The following BRINP1 variants were observed in gnomAD, a reference collection of about 807,000 sequenced individuals.
The protein encoded by BRINP1 is BMP/retinoic acid-inducible neural-specific protein 1.
BRINP1 carries 17 observed loss-of-function variants against 72.9 expected under a neutral mutation model. The ratio of observed to expected loss-of-function variants is 0.23; its 90% CI spans 0.16 to 0.35. BRINP1 has a LOEUF of 0.35. Ranked by LOEUF, BRINP1 falls within the 10% of genes least tolerant of loss-of-function variation. The pLI, the probability that BRINP1 is intolerant of heterozygous loss-of-function variation, is 1.00. For synonymous variants in BRINP1, 418 were observed against 378.5 expected, an observed-to-expected ratio of 1.10 and a Z score of -1.21; for missense variants, 850 against 1,001.6, an observed-to-expected ratio of 0.85 and a Z score of 2.04.
intron 2 of BRINP1, among the ~76,000 whole-genome samples, chr9:119,251,595 A>C (rs1830388055): frequency 6.6e-6 from 1 of 150,672 alleles, no homozygotes; most frequent in East Asian, 1.9e-4. Flanking sequence ...AAAGAGAAAC[A>C]AATAAACACA....
At chr9:119,182,605 C>T (rs1829570045) in intron 7 of BRINP1, among the ~76,000 whole-genome samples, 2 of 152,330 alleles carry the variant, frequency 1.3e-5, no homozygotes, top group South Asian at 4.1e-4. Context: ...AGAGAGACTC[C>T]TTGCCTCTTC....
chr9:119,249,182 C>T, intron 2 of BRINP1, 32 bp from the exon 3 acceptor site: 1 of 1,597,014 alleles, frequency 6.3e-7, no homozygotes, highest in Non-Finnish European at 8.5e-7. Flanking sequence ...CACTTCTCAA[C>T]TTACCACCAT....
At chr9:119,193,901 G>A (rs1829706940) in intron 7 of BRINP1, among the ~76,000 whole-genome samples, 1 of 152,166 alleles carries the variant, frequency 6.6e-6, no homozygotes, top group Non-Finnish European at 1.5e-5. Context: ...GTTTATAGGT[G>A]TGGGCCTGAA....
intron 7 of BRINP1, among the ~76,000 whole-genome samples, chr9:119,205,378 TCTC>T (rs1482554481): frequency 1.3e-5 from 2 of 152,150 alleles, no homozygotes; most frequent in Admixed American, 1.3e-4. Flanking sequence ...GGGCAGGTTT[TCTC>T]CTCCTTAGTA....
chr9:119,176,847 G>C (rs1829495506), intron 7 of BRINP1, among the ~76,000 whole-genome samples: 1 of 152,156 alleles, frequency 6.6e-6, no homozygotes, highest in Non-Finnish European at 1.5e-5. Context: ...TTCCCAGCAT[G>C]CTTTGCTTTC....
intron 7 of BRINP1, among the ~76,000 whole-genome samples, chr9:119,207,069 A>G (rs1055700175): frequency 6.6e-5 from 10 of 152,326 alleles, no homozygotes; most frequent in Non-Finnish European, 1.5e-4. Context: ...GAGGTTTCAT[A>G]AGGGGGGAAA....
intron 2 of BRINP1, among the ~76,000 whole-genome samples, chr9:119,303,816 T>C (rs1255684486): frequency 6.6e-6 from 1 of 152,138 alleles, no homozygotes; most frequent in African/African-American, 2.4e-5. Flanking sequence ...ACTTCAGGTA[T>C]TTGTTTTAGC....
intron 5 of BRINP1, among the ~76,000 whole-genome samples, chr9:119,218,644 T>C (rs1830006036): frequency 6.6e-6 from 1 of 151,958 alleles, no homozygotes; most frequent in South Asian, 2.1e-4. Flanking sequence ...GAATTCAACT[T>C]GAGTTCTGAC....
At chr9:119,196,047 C>A (rs1031164149) in intron 7 of BRINP1, among the ~76,000 whole-genome samples, 1 of 152,054 alleles carries the variant, frequency 6.6e-6, no homozygotes, top group Admixed American at 6.6e-5. Context: ...AAACAGATAC[C>A]ACTTCCTTAT....
intron 1 of BRINP1, among the ~76,000 whole-genome samples, chr9:119,346,701 C>A (rs1474739591): frequency 6.6e-6 from 1 of 152,122 alleles, no homozygotes; most frequent in African/African-American, 2.4e-5. Flanking sequence ...CAGTGACATT[C>A]ACAAAATTAA....
At chr9:119,253,281 GA>G in intron 2 of BRINP1, among the ~76,000 whole-genome samples, 1 of 152,216 alleles carries the variant, frequency 6.6e-6, no homozygotes, top group East Asian at 1.9e-4. Flanking sequence ...CAAAAGAATG[GA>G]AATACATATT....
chr9:119,174,118 G>T (rs935318921), intron 7 of BRINP1, among the ~76,000 whole-genome samples: 1 of 147,800 alleles, frequency 6.8e-6, no homozygotes, highest in African/African-American at 2.6e-5. Flanking sequence ...TGACAAATGG[G>T]ATCTAATTAA....
Position 119,230,081 on chromosome 9 carries a change from T to C in BRINP1, c.685+8574A>G, listed in dbSNP as rs62567662. On this transcript the variant is annotated intron_variant, in intron 5 of 7. Coordinates refer to ENST00000265922, the MANE Select transcript of BRINP1 (RefSeq NM_014618.3). ...TTTAGAGAAGCTTACCTGAGAGAGA[T>C]GAAAAGTTCAGGAATTGGAGAAAGG... Among the ~76,000 whole-genome samples, 795 of 148,230 alleles carry C rather than the reference T, an allele frequency of 5.4e-3. 8 individuals carry two copies. The highest frequency in any genetic ancestry group is 8.9e-3 in the Non-Finnish European group (583 of 65,486).
intron 2 of BRINP1, among the ~76,000 whole-genome samples, chr9:119,259,808 A>G (rs895725654): frequency 3.3e-5 from 5 of 152,214 alleles, no homozygotes; most frequent in Non-Finnish European, 7.3e-5. Flanking sequence ...CTGTCAGCAC[A>G]AGAGCTGGTT....
chr9:119,297,645 C>T (rs1830894135), intron 2 of BRINP1, among the ~76,000 whole-genome samples: 1 of 152,148 alleles, frequency 6.6e-6, no homozygotes, highest in Non-Finnish European at 1.5e-5. Flanking sequence ...TATTTTTCAA[C>T]TTCCTTCTTG....
chr9:119,298,615 G>A (rs558505260), intron 2 of BRINP1, among the ~76,000 whole-genome samples: 11 of 151,908 alleles, frequency 7.2e-5, no homozygotes, highest in African/African-American at 2.4e-4. Flanking sequence ...TCAAATACCC[G>A]CAGCCTCTCA....
chr9:119,258,677 A>G (rs1350255625), intron 2 of BRINP1, among the ~76,000 whole-genome samples: 1 of 152,198 alleles, frequency 6.6e-6, no homozygotes, highest in South Asian at 2.1e-4. Context: ...GGACTAGGAA[A>G]TAAGTTCCTC....
At chr9:119,186,439 T>C (rs962697501) in intron 7 of BRINP1, among the ~76,000 whole-genome samples, 1 of 152,174 alleles carries the variant, frequency 6.6e-6, no homozygotes, top group African/African-American at 2.4e-5. Context: ...CATGACCGCA[T>C]GCCTAAGCCC....
chr9:119,172,137 C>CA (rs1200843517), intron 7 of BRINP1, among the ~76,000 whole-genome samples: 2 of 151,254 alleles, frequency 1.3e-5, no homozygotes, highest in African/African-American at 4.9e-5. Flanking sequence ...AAAATCAGAG[C>CA]AGAACTGAAG....
Sources: allele counts gnomAD v4.1 joint callset (sites outside exome capture counted in the v4.1 genomes callset), GRCh38; gene constraint gnomAD v4.1.1; transcripts MANE v1.5; gene names NCBI Gene and HGNC (gene_info 2026-07-23, HGNC 2026-07-21).